Variants in PDE9A observed in about 807,000 individuals in gnomAD.
The protein encoded by PDE9A is phosphodiesterase 9A, also known as high affinity cGMP-specific 3',5'-cyclic phosphodiesterase 9A.
A neutral mutation model predicts 87.4 loss-of-function variants in PDE9A; 60 were observed. The ratio of observed to expected loss-of-function variants is 0.69; its 90% CI spans 0.56 to 0.85. PDE9A has a LOEUF of 0.85. Ranked by LOEUF, PDE9A falls within the 40% of genes least tolerant of loss-of-function variation. PDE9A has a pLI of 0.00. For missense variants in PDE9A, 665 were observed against 779.0 expected (o/e 0.85, Z 1.74); for synonymous variants, 272 against 279.4 (o/e 0.97, Z 0.27).
chr21:42,765,689 C>T lies in PDE9A; in HGVS notation c.1356+195C>T, dbSNP rs1036189703. ...AGGGCCTCCCTCCTGATGGGTCCTC[C>T]TTCATGGTCAGAGGCAGCATTCTCC... On this transcript the variant is annotated intron_variant, in intron 15 of 19. Transcript: ENST00000291539. The T allele has an allele frequency of 2.1e-5, 12 of 576,284 alleles. No homozygotes were observed. The African/African-American group carries it at 2.2e-4, about 11-fold the overall frequency. 35.7% of individuals were successfully genotyped at this position (576,284 alleles called of 1,614,324 possible).
intron 1 of PDE9A, among the ~76,000 whole-genome samples, chr21:42,656,868 A>ACTT (rs1443302517): frequency 6.6e-6 from 1 of 152,160 alleles, no homozygotes; most frequent in Non-Finnish European, 1.5e-5. Context: ...TGGGTCAGTT[A>ACTT]CTTCACTCTG....
At chr21:42,749,816 G>A (rs2054233700) in intron 8 of PDE9A, among the ~76,000 whole-genome samples, 1 of 152,250 alleles carries the variant, frequency 6.6e-6, no homozygotes, top group African/African-American at 2.4e-5. Context: ...GCAGCAGACT[G>A]ACTTTGGTGC....
At chr21:42,711,829 G>A (rs181799092) in intron 4 of PDE9A, among the ~76,000 whole-genome samples, 106 of 152,136 alleles carry the variant, frequency 7.0e-4, no homozygotes, top group African/African-American at 2.3e-3. Flanking sequence ...TCCTTTTCCC[G>A]CTGAATCCAT....
Position 42,727,710 on chromosome 21 carries a change from G to T in PDE9A, c.263-4060G>T, listed in dbSNP as rs118164167. On this transcript the variant is annotated intron_variant, in intron 4 of 19. Coordinates refer to ENST00000291539, the MANE Select transcript of PDE9A (RefSeq NM_002606.3). ...ATTGTAGTAAATACAATTGAATTTT[G>T]TATGCTTTCCACCCTGCAAACTTGC... is the stretch of plus-strand genomic sequence containing the variant. 2.2e-3 allele frequency among the ~76,000 whole-genome samples: 340 copies of T among 152,018 alleles called. 4 individuals carry two copies. In the East Asian group the frequency reaches 0.025, roughly 11 times the overall value.
intron 1 of PDE9A, among the ~76,000 whole-genome samples, chr21:42,661,644 C>T (rs929895658): frequency 6.6e-6 from 1 of 152,138 alleles, no homozygotes; most frequent in Non-Finnish European, 1.5e-5. Flanking sequence ...ACGGATGAAT[C>T]GATGAAACTG....
intron 10 of PDE9A, among the ~76,000 whole-genome samples, chr21:42,755,945 G>A (rs1401169020): frequency 1.3e-5 from 2 of 152,234 alleles, no homozygotes; most frequent in Admixed American, 6.5e-5. Context: ...CTTTGAGCAC[G>A]GGCCACTGTG....
Position 42,769,160 on chromosome 21 carries a change from GTAAC to G in PDE9A, c.1590+7_1590+10del, listed in dbSNP as rs2056669750. ...ATGTTTGAAACAGTGACCAAGGTGAGTAACTGTCACCACATGTCACACTTGCTTA... is the reference window on the plus strand; with the variant it reads ...ATGTTTGAAACAGTGACCAAGGTGAGTGTCACCACATGTCACACTTGCTTA... On this transcript the variant is annotated splice_donor_region_variant and intron_variant, in intron 17 of 19. Coordinates refer to ENST00000291539, the MANE Select transcript of PDE9A (RefSeq NM_002606.3). 3 of 1,611,988 alleles carry G rather than the reference GTAAC, an allele frequency of 1.9e-6. No individual in the cohort carries two copies. The highest frequency in any genetic ancestry group is 1.3e-5 in the African/African-American group (1 of 74,714).
At position 42,695,755 on chromosome 21, in the gene PDE9A, G is replaced by A. The variant is rs554568792; in HGVS notation, c.219-3213G>A. Among the ~76,000 whole-genome samples the A allele has an allele frequency of 6.6e-6, 1 of 152,332 alleles. No individual in the cohort carries two copies. Among genetic ancestry groups the A allele is most frequent in the South Asian group, 2.1e-4 (1 of 4,826 alleles). On this transcript the variant is annotated intron_variant, in intron 3 of 19. Coordinates refer to ENST00000291539, the MANE Select transcript of PDE9A (RefSeq NM_002606.3). The surrounding 1 kb of genome is among the most constrained non-coding windows in gnomAD (Gnocchi z 4.3). ...GAAAAAGACAAATACAGTAGAAGCTGGAGGCAAGCTTATCCTTTCCAAAGA... is the reference window on the plus strand; with the variant it reads ...GAAAAAGACAAATACAGTAGAAGCTAGAGGCAAGCTTATCCTTTCCAAAGA...
At chr21:42,725,708 G>T (rs114476809) in intron 4 of PDE9A, among the ~76,000 whole-genome samples, 1 of 152,096 alleles carries the variant, frequency 6.6e-6, no homozygotes, top group Admixed American at 6.5e-5. Flanking sequence ...CATACTCCGC[G>T]GTATGGATGG....
chr21:42,685,050 C>A (rs2059372793), intron 1 of PDE9A, among the ~76,000 whole-genome samples: 1 of 152,148 alleles, frequency 6.6e-6, no homozygotes, highest in Non-Finnish European at 1.5e-5. Context: ...GTTTCCCCCA[C>A]ACCGGGGACT....
chr21:42,737,969 G>A (rs567274594), intron 7 of PDE9A, among the ~76,000 whole-genome samples: 6 of 152,070 alleles, frequency 3.9e-5, no homozygotes, highest in South Asian at 2.1e-4. Context: ...AGCCTTGTTC[G>A]AGAGATCTGG....
At chr21:42,658,594 C>T (rs568091539) in intron 1 of PDE9A, among the ~76,000 whole-genome samples, 2 of 152,328 alleles carry the variant, frequency 1.3e-5, no homozygotes, top group African/African-American at 2.4e-5. Context: ...GTGCCCTTTC[C>T]TGTGGCTGCA....
chr21:42,765,279 T>C, intron 14 of PDE9A, 102 bp from the exon 15 acceptor site: 1 of 641,512 alleles, frequency 1.6e-6, no homozygotes, highest in Non-Finnish European at 2.8e-6. Context: ...GAATAAGAGA[T>C]ACATGAAATA....
At chr21:42,670,630 CAT>C (rs1163715046) in intron 1 of PDE9A, among the ~76,000 whole-genome samples, 44 of 151,982 alleles carry the variant, frequency 2.9e-4, no homozygotes, top group South Asian at 8.3e-4. Flanking sequence ...TTCACACACA[CAT>C]ACACTTACAA....
At position 42,668,216 on chromosome 21, in the gene PDE9A, C is replaced by T. The variant is rs374150802; in HGVS notation, c.69+14333C>T. On this transcript the variant is annotated intron_variant, in intron 1 of 19. Coordinates refer to ENST00000291539, the MANE Select transcript of PDE9A (RefSeq NM_002606.3). Reference sequence around the variant, plus strand: ...CCTCCAGAGGGGCTGCCGCCTGGGTCCCCCGAGCACCTCCTACCCCACCCT... The same window carrying T: ...CCTCCAGAGGGGCTGCCGCCTGGGTTCCCCGAGCACCTCCTACCCCACCCT... Among the ~76,000 whole-genome samples the T allele has an allele frequency of 5.9e-5, 9 of 152,104 alleles. No homozygotes were observed. In the South Asian group the frequency reaches 8.3e-4, roughly 14 times the overall value.
chr21:42,726,175 A>G (rs1168801888), intron 4 of PDE9A, among the ~76,000 whole-genome samples: 3 of 152,096 alleles, frequency 2.0e-5, no homozygotes, highest in African/African-American at 7.2e-5. Flanking sequence ...GTTTTCTACC[A>G]TTGAGTTTTG....
chr21:42,692,787 CT>C lies in PDE9A; in HGVS notation c.218+4794del, dbSNP rs1289700762. Among the ~76,000 whole-genome samples the C allele has an allele frequency of 2.0e-5, 3 of 151,944 alleles. No individual in the cohort carries two copies. The highest frequency in any genetic ancestry group is 1.9e-4 in the East Asian group (1 of 5,188). Reference sequence around the variant, plus strand: ...CCCTGCCTCCCCCTTGGCTTCTCCCCTCTTCCTCTCCTCCACTCGGTGCCTG... The same window carrying C: ...CCCTGCCTCCCCCTTGGCTTCTCCCCCTTCCTCTCCTCCACTCGGTGCCTG... On this transcript the variant is annotated intron_variant, in intron 3 of 19. Transcript: ENST00000291539. The surrounding 1 kb of genome is among the most constrained non-coding windows in gnomAD (Gnocchi z 4.3).
intron 19 of PDE9A, among the ~76,000 whole-genome samples, chr21:42,774,979 TTGCCCAGGCTG>T (rs780867901): frequency 1.3e-5 from 2 of 151,028 alleles, no homozygotes; most frequent in African/African-American, 2.4e-5. Flanking sequence ...TCTCGCTCTG[TTGCCCAGGCTG>T]GAGTGCAGTG....
At chr21:42,721,793 C>T (rs2050554810) in intron 4 of PDE9A, among the ~76,000 whole-genome samples, 1 of 152,158 alleles carries the variant, frequency 6.6e-6, no homozygotes, top group South Asian at 2.1e-4. Context: ...CCTTGGCTCT[C>T]AGGGGTTGGA....
Sources: gnomAD v4.1 joint callset for allele counts (sites outside exome capture counted in the v4.1 genomes callset) on GRCh38, gnomAD v4.1.1 for gene constraint, Gnocchi (gnomAD v3.1) non-coding constraint, MANE v1.5 for transcripts, NCBI Gene and HGNC (gene_info 2026-07-23, HGNC 2026-07-21) for gene names.